Variants in GRIK2 observed in about 807,000 individuals in gnomAD.
GRIK2 encodes glutamate receptor ionotropic, kainate 2.
A neutral mutation model predicts 100.3 loss-of-function variants in GRIK2; 32 were observed. That is an observed-to-expected ratio of 0.32 (90% CI 0.24 to 0.43). The LOEUF is 0.43. Ranked by LOEUF, GRIK2 falls within the 20% of genes least tolerant of loss-of-function variation. GRIK2 has a pLI of 1.00. For missense variants in GRIK2, 843 were observed against 1,114.9 expected, an observed-to-expected ratio of 0.76 and a Z score of 3.47; for synonymous variants, 417 against 389.4, an observed-to-expected ratio of 1.07 and a Z score of -0.83.
chr6:102,026,128 ATATATATATATAT>A (rs1769689565), intron 14 of GRIK2, among the ~76,000 whole-genome samples: 1 of 71,294 alleles, frequency 1.4e-5, no homozygotes, highest in Non-Finnish European at 3.6e-5. Context: ...ATATATATAT[ATATATATATATAT>A]ATATATATAT....
intron 12 of GRIK2, among the ~76,000 whole-genome samples, chr6:101,913,418 TGTATATG>T (rs201527349): frequency 0.021 from 3,110 of 151,678 alleles, 108 homozygotes; most frequent in African/African-American, 0.072. Flanking sequence ...CATTTTTCTG[TGTATATG>T]GACCCAATGA....
At chr6:101,470,553 G>A (rs1387756700) in intron 2 of GRIK2, among the ~76,000 whole-genome samples, 1 of 152,042 alleles carries the variant, frequency 6.6e-6, no homozygotes, top group Non-Finnish European at 1.5e-5. Flanking sequence ...TTTTTCAGAA[G>A]CCTTCTCACT....
chr6:101,400,223 C>T (rs1349036444), intron 2 of GRIK2, among the ~76,000 whole-genome samples: 2 of 152,146 alleles, frequency 1.3e-5, no homozygotes, highest in African/African-American at 4.8e-5. Context: ...TAGGTAGTTA[C>T]ATTTTTTTAT....
chr6:102,044,355 A>G (rs1770763295), intron 15 of GRIK2, among the ~76,000 whole-genome samples: 1 of 151,940 alleles, frequency 6.6e-6, no homozygotes, highest in Non-Finnish European at 1.5e-5. Context: ...TCTTTTACCT[A>G]TCTTAAGATT....
chr6:101,900,613 AAT>A (rs1334029755), intron 12 of GRIK2, among the ~76,000 whole-genome samples: 1 of 150,330 alleles, frequency 6.7e-6, no homozygotes, highest in Non-Finnish European at 1.5e-5. Context: ...TGTTTGATAC[AAT>A]AGAGTGTCTA....
intron 10 of GRIK2, among the ~76,000 whole-genome samples, chr6:101,832,506 A>G (rs1364568447): frequency 1.3e-5 from 2 of 152,214 alleles, no homozygotes; most frequent in Non-Finnish European, 2.9e-5. Flanking sequence ...TTAGCTCTTC[A>G]TTCTGCTTGA....
chr6:101,499,838 C>T (rs1773656435), intron 2 of GRIK2, among the ~76,000 whole-genome samples: 1 of 152,092 alleles, frequency 6.6e-6, no homozygotes, highest in African/African-American at 2.4e-5. Flanking sequence ...TACAACAGTG[C>T]TTGGCAATCA....
At chr6:101,862,944 A>AT (rs1204325564) in intron 11 of GRIK2, among the ~76,000 whole-genome samples, 2 of 152,210 alleles carry the variant, frequency 1.3e-5, no homozygotes, top group South Asian at 4.2e-4. Context: ...ATGACTTGAA[A>AT]TTTTTTGGTT....
intron 2 of GRIK2, among the ~76,000 whole-genome samples, chr6:101,617,209 G>A (rs139375193): frequency 2.3e-3 from 348 of 151,704 alleles, no homozygotes; most frequent in Middle Eastern, 0.01. Flanking sequence ...CATGATACAA[G>A]TAAAGTTCTA....
intron 2 of GRIK2, among the ~76,000 whole-genome samples, chr6:101,556,200 TAATG>T (rs1776727913): frequency 6.6e-6 from 1 of 151,696 alleles, no homozygotes; most frequent in South Asian, 2.1e-4. Context: ...AATTTTAAAA[TAATG>T]AACATGTAAT....
At chr6:101,881,278 C>G (rs1270443954) in intron 11 of GRIK2, among the ~76,000 whole-genome samples, 1 of 151,488 alleles carries the variant, frequency 6.6e-6, no homozygotes, top group African/African-American at 2.4e-5. Context: ...AATGTAACAC[C>G]ATATTTTATA....
At chr6:101,670,826 A>G (rs572280477) in intron 4 of GRIK2, among the ~76,000 whole-genome samples, 1 of 152,300 alleles carries the variant, frequency 6.6e-6, no homozygotes, top group South Asian at 2.1e-4. Flanking sequence ...TGAGAGTCTA[A>G]TATATGCCAG....
chr6:101,739,499 C>T (rs1274114932), intron 7 of GRIK2, among the ~76,000 whole-genome samples: 5 of 152,086 alleles, frequency 3.3e-5, no homozygotes, highest in Non-Finnish European at 7.4e-5. Flanking sequence ...TTGACTGGCT[C>T]AAGGACCCTG....
At chr6:101,431,968 C>T (rs1406433353) in intron 2 of GRIK2, among the ~76,000 whole-genome samples, 2 of 152,002 alleles carry the variant, frequency 1.3e-5, no homozygotes, top group South Asian at 4.2e-4. Flanking sequence ...CATTAGAAAG[C>T]GGACTCTGTA....
chr6:101,771,611 C>T (rs1778410982), intron 7 of GRIK2, among the ~76,000 whole-genome samples: 1 of 151,242 alleles, frequency 6.6e-6, no homozygotes, highest in African/African-American at 2.4e-5. Context: ...TATACATGTG[C>T]CATGTTGGTG....
chr6:101,584,684 A>G (rs1251965420), intron 2 of GRIK2, among the ~76,000 whole-genome samples: 1 of 152,014 alleles, frequency 6.6e-6, no homozygotes, highest in Admixed American at 6.6e-5. Context: ...AGAGAATATA[A>G]CAGATCTTCT....
chr6:101,495,186 TATTA>T (rs1234839603), intron 2 of GRIK2, among the ~76,000 whole-genome samples: 1 of 151,758 alleles, frequency 6.6e-6, no homozygotes, highest in Non-Finnish European at 1.5e-5. Flanking sequence ...AATTCCTAGG[TATTA>T]ATTCTCTCAT....
At chr6:101,669,095 T>C (rs1445425545) in intron 4 of GRIK2, among the ~76,000 whole-genome samples, 1 of 152,200 alleles carries the variant, frequency 6.6e-6, no homozygotes, top group Non-Finnish European at 1.5e-5. Context: ...TGCAATGTGG[T>C]ACCCTTTTTT....
rs568029533 is a variant in GRIK2, at chr6:101,544,037, TTAAAA to T, written c.116-77907_116-77903del. Among the ~76,000 whole-genome samples, 457 of 152,162 alleles carry T rather than the reference TTAAAA, an allele frequency of 3.0e-3. 2 individuals carry two copies. Among genetic ancestry groups the T allele is most frequent in the African/African-American group, 0.011 (444 of 41,506 alleles). On this transcript the variant is annotated intron_variant, in intron 2 of 16. Coordinates refer to ENST00000369134, the MANE Select transcript of GRIK2 (RefSeq NM_021956.5). ...GTCAAGAACACAGGGCTGTAATTAC[TTAAAA>T]TAAACAGACACTAGGTTTTCTTGAT...
Sources: allele counts gnomAD v4.1 joint callset (sites outside exome capture counted in the v4.1 genomes callset), GRCh38; gene constraint gnomAD v4.1.1; transcripts MANE v1.5; gene names NCBI Gene and HGNC (gene_info 2026-07-23, HGNC 2026-07-21).